The following SNTA1 variants were observed in gnomAD, a reference collection of about 807,000 sequenced individuals.
The protein encoded by SNTA1 is syntrophin alpha 1.
SNTA1 carries 31 observed loss-of-function variants against 47.1 expected under a neutral mutation model. The observed-to-expected ratio is 0.66, with a 90% confidence interval of 0.49 to 0.89. The LOEUF is 0.89. Ranked by LOEUF, SNTA1 falls within the 40% of genes least tolerant of loss-of-function variation. SNTA1 has a pLI of 0.00. For synonymous variants in SNTA1, 300 were observed against 313.6 expected, an observed-to-expected ratio of 0.96 and a Z score of 0.46; for missense variants, 575 against 693.0, an observed-to-expected ratio of 0.83 and a Z score of 1.91.
rs558500168 is a variant in SNTA1, at chr20:33,432,819, C to T, written c.496+6022G>A. ...AGGCTGCAGTGAGCTGCAATCACAC[C>T]TCTGTGCTATAGGCTGGGCAACAGA... On this transcript the variant is annotated intron_variant, in intron 2 of 7. Coordinates refer to ENST00000217381, the MANE Select transcript of SNTA1 (RefSeq NM_003098.3). Among the ~76,000 whole-genome samples, 14 of 152,302 alleles carry T rather than the reference C, an allele frequency of 9.2e-5. No homozygotes were observed. The East Asian group carries it at 2.5e-3, about 27-fold the overall frequency.
At chr20:33,417,603 A>G in intron 3 of SNTA1, 116 bp downstream of exon 3, 1 of 765,810 alleles carries the variant, frequency 1.3e-6, no homozygotes, top group South Asian at 1.5e-5. Flanking sequence ...TTAAGCACCT[A>G]CTATGTCCTG....
chr20:33,408,007 T>G lies in SNTA1; in HGVS notation c.*500A>C. ...CACAGGCTGTTTATTTATCCAAGAG[T>G]AAGGAGGAGAGAGACAGGATGAAGA... is the stretch of plus-strand genomic sequence containing the variant. On this transcript the variant is annotated 3_prime_UTR_variant, in exon 8 of 8. Coordinates refer to ENST00000217381, the MANE Select transcript of SNTA1 (RefSeq NM_003098.3). 1 of 202,938 alleles carries G rather than the reference T, an allele frequency of 4.9e-6. No homozygotes were observed. The allele number at this position is 202,938 out of a possible 1,614,324, so 12.6% of individuals were successfully genotyped here.
At chr20:33,409,751 C>G (rs187250650) in intron 6 of SNTA1, among the ~76,000 whole-genome samples, 162 of 152,148 alleles carry the variant, frequency 1.1e-3, no homozygotes, top group African/African-American at 3.6e-3. Flanking sequence ...CTGCCTCAGC[C>G]TCCCGAGTAG....
chr20:33,410,351 G>A lies in SNTA1; in HGVS notation c.1041-20C>T, dbSNP rs752236310. On this transcript the variant is annotated intron_variant, in intron 5 of 7. Coordinates refer to ENST00000217381, the MANE Select transcript of SNTA1 (RefSeq NM_003098.3). ...ACCAGTCTGGGGGTTGGGGGCAGAG[G>A]GCTGAGCATGAGGCCTCAGGCCGGA... The A allele has an allele frequency of 1.3e-5, 20 of 1,544,912 alleles. No individual in the cohort carries two copies. Among genetic ancestry groups the A allele is most frequent in the Non-Finnish European group, 8.9e-7 (1 of 1,128,402 alleles).
intron 6 of SNTA1, among the ~76,000 whole-genome samples, chr20:33,409,303 T>C (rs1989679440): frequency 6.6e-6 from 1 of 152,202 alleles, no homozygotes; most frequent in Non-Finnish European, 1.5e-5. Flanking sequence ...CAAATGAGGC[T>C]GGGTGTCCTG....
At chr20:33,408,661 C>A (rs766323075) in intron 7 of SNTA1, 40 bp downstream of exon 7, 8 of 1,610,764 alleles carry the variant, frequency 5.0e-6, no homozygotes, top group Non-Finnish European at 6.8e-6. Flanking sequence ...AGAGTGCACA[C>A]CCCCTCCTCC....
chr20:33,424,698 G>A (rs888539920), intron 2 of SNTA1, among the ~76,000 whole-genome samples: 7 of 151,458 alleles, frequency 4.6e-5, no homozygotes, highest in African/African-American at 1.5e-4. Context: ...ATTTTTTGTA[G>A]AGATGGGGTT....
At position 33,410,121 on chromosome 20, in the gene SNTA1, T is replaced by C. The variant is rs751560029; in HGVS notation, c.1237+14A>G. Reference sequence around the variant, plus strand: ...TTATTACCAGAGGGACACTCCCAGATCCTCCCAGCACACCTGTAGACACCT... The same window carrying C: ...TTATTACCAGAGGGACACTCCCAGACCCTCCCAGCACACCTGTAGACACCT... On this transcript the variant is annotated intron_variant, in intron 6 of 7. Coordinates refer to ENST00000217381, the MANE Select transcript of SNTA1 (RefSeq NM_003098.3). 1 of 1,613,754 alleles carries C rather than the reference T, an allele frequency of 6.2e-7. No homozygotes were observed. Among genetic ancestry groups the C allele is most frequent in the Non-Finnish European group, 8.5e-7 (1 of 1,179,670 alleles).
At chr20:33,443,128 C>G (rs1366054754) in intron 1 of SNTA1, among the ~76,000 whole-genome samples, 183 bp downstream of exon 1, 1 of 151,942 alleles carries the variant, frequency 6.6e-6, no homozygotes, top group Non-Finnish European at 1.5e-5. Flanking sequence ...CCTAAGGCCA[C>G]CAACTACTGA....
intron 3 of SNTA1, among the ~76,000 whole-genome samples, chr20:33,417,225 C>A (rs1001859943): frequency 6.6e-6 from 1 of 152,144 alleles, no homozygotes; most frequent in Non-Finnish European, 1.5e-5. Context: ...CAACACAGTG[C>A]TGGGTACACA....
intron 2 of SNTA1, among the ~76,000 whole-genome samples, chr20:33,433,338 C>T (rs1208050699): frequency 3.3e-5 from 5 of 149,536 alleles, no homozygotes; most frequent in Non-Finnish European, 7.4e-5. Context: ...GATCTTGGCT[C>T]ACTGAAACCT....
At chr20:33,410,361 G>T in intron 5 of SNTA1, 30 bp from the exon 6 acceptor site, 2 of 1,469,084 alleles carry the variant, frequency 1.4e-6, no homozygotes, top group Non-Finnish European at 1.9e-6. Flanking sequence ...GGCTGAGCAT[G>T]AGGCCTCAGG....
intron 2 of SNTA1, among the ~76,000 whole-genome samples, chr20:33,436,963 CAA>C (rs1208975922): frequency 1.9e-4 from 10 of 53,162 alleles, no homozygotes; most frequent in Middle Eastern, 0.013. Context: ...GACTCCATCT[CAA>C]AAAAAAAAAA....
chr20:33,429,180 T>C (rs904346301), intron 2 of SNTA1, among the ~76,000 whole-genome samples: 7 of 151,146 alleles, frequency 4.6e-5, no homozygotes, highest in African/African-American at 1.7e-4. Flanking sequence ...CTATACTATA[T>C]ACAGAAATTA....
At chr20:33,441,799 C>A (rs1174346127) in intron 1 of SNTA1, among the ~76,000 whole-genome samples, 1 of 152,158 alleles carries the variant, frequency 6.6e-6, no homozygotes, top group Non-Finnish European at 1.5e-5. Context: ...GTGTGTCCAT[C>A]TGCAGAATGG....
At chr20:33,409,456 A>C (rs1989683648) in intron 6 of SNTA1, among the ~76,000 whole-genome samples, 1 of 150,508 alleles carries the variant, frequency 6.6e-6, no homozygotes, top group Admixed American at 6.6e-5. Flanking sequence ...GAGGGCCCAA[A>C]CCCAACTTCC....
chr20:33,443,720 T>A lies in SNTA1; in HGVS notation c.-100A>T. ...GGGCAGAGGGCAGCGGGGGCCCGGC[T>A]GGGCCAGCCGCCACCCTACCCCGGC... On this transcript the variant is annotated 5_prime_UTR_variant, in exon 1 of 8. Transcript: ENST00000217381. The A allele has an allele frequency of 5.4e-6, 4 of 736,678 alleles. No homozygotes were observed. The highest frequency in any genetic ancestry group is 6.3e-5 in the South Asian group (1 of 15,778). 45.6% of individuals were successfully genotyped at this position (736,678 alleles called of 1,614,324 possible).
chr20:33,430,903 C>T (rs1046997456), intron 2 of SNTA1, among the ~76,000 whole-genome samples: 6 of 151,182 alleles, frequency 4.0e-5, no homozygotes, highest in Non-Finnish European at 7.4e-5. Flanking sequence ...GAGCCGAGAT[C>T]GTGCCACTGT....
chr20:33,407,965 C>T lies in SNTA1; in HGVS notation c.*542G>A, dbSNP rs1345581374. 8 of 199,826 alleles carry T rather than the reference C, an allele frequency of 4.0e-5. No individual in the cohort carries two copies. In the East Asian group the frequency reaches 4.6e-4, roughly 12 times the overall value. 12.4% of individuals were successfully genotyped at this position (199,826 alleles called of 1,614,324 possible). ...AAGGCACAGACCACATACACTGGGC[C>T]GGGCTGCCTGTGTGCTCACAGGCTG... is the stretch of plus-strand genomic sequence containing the variant. On this transcript the variant is annotated 3_prime_UTR_variant, in exon 8 of 8. Transcript: ENST00000217381.
Sources: gnomAD v4.1 joint callset for allele counts (sites outside exome capture counted in the v4.1 genomes callset) on GRCh38, gnomAD v4.1.1 for gene constraint, MANE v1.5 for transcripts, NCBI Gene and HGNC (gene_info 2026-07-23, HGNC 2026-07-21) for gene names.